PTPRG: variants seen among roughly 807,000 people sequenced by gnomAD.
The protein encoded by PTPRG is protein tyrosine phosphatase receptor type G.
A neutral mutation model predicts 165.3 loss-of-function variants in PTPRG; 102 were observed. The ratio of observed to expected loss-of-function variants is 0.62; its 90% CI spans 0.53 to 0.73. PTPRG has a LOEUF of 0.73. Among genes scored for constraint, PTPRG ranks in the 30% least tolerant of loss-of-function variants. The pLI is 0.00. For synonymous variants in PTPRG, 675 were observed against 669.5 expected, an observed-to-expected ratio of 1.01 and a Z score of -0.13; for missense variants, 1,866 against 1,861.4, an observed-to-expected ratio of 1.00 and a Z score of -0.05.
chr3:61,852,439 A>G (rs1324962114), intron 2 of PTPRG, among the ~76,000 whole-genome samples: 1 of 152,242 alleles, frequency 6.6e-6, no homozygotes, highest in Non-Finnish European at 1.5e-5. Flanking sequence ...ACAGTAAGAC[A>G]CAGATCTATG....
chr3:61,890,875 T>C (rs2038195057), intron 2 of PTPRG, among the ~76,000 whole-genome samples: 1 of 152,216 alleles, frequency 6.6e-6, no homozygotes, highest in African/African-American at 2.4e-5. Flanking sequence ...GTTTTGTTAC[T>C]TTACATCCAT....
intron 2 of PTPRG, among the ~76,000 whole-genome samples, chr3:61,895,632 T>A (rs1296511678): frequency 1.3e-5 from 2 of 152,190 alleles, no homozygotes; most frequent in Non-Finnish European, 2.9e-5. Context: ...TTTTTGAAAG[T>A]CAAGTTTTGT....
At chr3:62,093,983 T>C (rs1323013230) in intron 5 of PTPRG, among the ~76,000 whole-genome samples, 1 of 152,238 alleles carries the variant, frequency 6.6e-6, no homozygotes, top group Non-Finnish European at 1.5e-5. Flanking sequence ...CTGCTTCTCC[T>C]ATTACCAGTA....
chr3:61,790,786 A>G (rs956781827), intron 2 of PTPRG, among the ~76,000 whole-genome samples: 8 of 149,588 alleles, frequency 5.3e-5, no homozygotes, highest in African/African-American at 1.7e-4. Flanking sequence ...CCTGAAATTC[A>G]GTTATTCACT....
rs1559734737 is a variant in PTPRG, at chr3:62,269,017, AC to A, written c.2875-17del. ...GCATAGATTGCAGTTATACTTTACA[AC>A]TTTTTTCTTTCTGCAGCGAAAATGT... On this transcript the variant is annotated splice_polypyrimidine_tract_variant and intron_variant, in intron 19 of 29. Transcript: ENST00000474889. 2 of 1,538,038 alleles carry A rather than the reference AC, an allele frequency of 1.3e-6. No homozygotes were observed. Among genetic ancestry groups the A allele is most frequent in the African/African-American group, 1.4e-5 (1 of 73,058 alleles).
chr3:61,844,877 T>G (rs990084375), intron 2 of PTPRG, among the ~76,000 whole-genome samples: 4 of 152,138 alleles, frequency 2.6e-5, no homozygotes, highest in Non-Finnish European at 4.4e-5. Context: ...AAAGGGACAT[T>G]GAATGGTTAG....
intron 3 of PTPRG, among the ~76,000 whole-genome samples, chr3:62,001,856 G>A (rs1406733682): frequency 5.3e-5 from 8 of 152,138 alleles, no homozygotes; most frequent in African/African-American, 1.9e-4. Context: ...ATAAAGACAA[G>A]ATTGAGTAGT....
At chr3:62,010,687 G>A (rs2041400926) in intron 4 of PTPRG, among the ~76,000 whole-genome samples, 1 of 152,114 alleles carries the variant, frequency 6.6e-6, no homozygotes, top group African/African-American at 2.4e-5. Flanking sequence ...AAACTATAAA[G>A]ACATCTTGGC....
At chr3:61,938,812 G>GA (rs1299537310) in intron 2 of PTPRG, among the ~76,000 whole-genome samples, 1 of 152,104 alleles carries the variant, frequency 6.6e-6, no homozygotes, top group Non-Finnish European at 1.5e-5. Flanking sequence ...TCTGGAATGA[G>GA]AAAAAAGTAA....
At chr3:61,620,360 C>T (rs1701415631) in intron 1 of PTPRG, among the ~76,000 whole-genome samples, 4 of 152,074 alleles carry the variant, frequency 2.6e-5, no homozygotes, top group Admixed American at 2.6e-4. Flanking sequence ...CAGCAGTAGC[C>T]AGTGATATAT....
chr3:61,999,591 T>G (rs2041123224), intron 3 of PTPRG, among the ~76,000 whole-genome samples: 1 of 152,262 alleles, frequency 6.6e-6, no homozygotes, highest in South Asian at 2.1e-4. Context: ...GCTGTTGTTT[T>G]AATTTTTAGA....
chr3:62,057,940 G>A (rs1700685428), intron 4 of PTPRG, among the ~76,000 whole-genome samples: 1 of 152,220 alleles, frequency 6.6e-6, no homozygotes. Flanking sequence ...TTGCTAGCAT[G>A]TTAAAAATAC....
In PTPRG at chr3:62,013,420, C is replaced by T. The variant is rs73839632; in HGVS notation, c.519+9923C>T. 9.3e-3 allele frequency among the ~76,000 whole-genome samples: 1,414 copies of T among 152,120 alleles called. 19 individuals are homozygous for T. The highest frequency in any genetic ancestry group is 0.032 in the African/African-American group (1,332 of 41,518). On this transcript the variant is annotated intron_variant, in intron 4 of 29. Coordinates refer to ENST00000474889, the MANE Select transcript of PTPRG (RefSeq NM_002841.4). ...GTAATTTTGACTTCTTCTCTTCCAA[C>T]GGCGGCAACAAAAAAGGTGAAAGGA...
Position 61,562,200 on chromosome 3 carries a change from C to A in PTPRG, c.-88C>A. 7.8e-7 allele frequency: 1 copy of A among 1,288,352 alleles called. No individual in the cohort carries two copies. The highest frequency in any genetic ancestry group is 1.1e-6 in the Non-Finnish European group (1 of 891,672). The allele number at this position is 1,288,352 out of a possible 1,614,324, so 79.8% of individuals were successfully genotyped here. A position where few individuals can be genotyped will look rare whatever the true frequency, so the allele number is the denominator to read the frequency against. ...GGAGCGGGCGAGCCGGGGAAGCGCC[C>A]CGGCTTAGCGGAGGCTCGCACGGAG... On this transcript the variant is annotated 5_prime_UTR_variant, in exon 1 of 30. Transcript: ENST00000474889.
chr3:61,566,695 C>T (rs1055573651), intron 1 of PTPRG, among the ~76,000 whole-genome samples: 4 of 152,146 alleles, frequency 2.6e-5, no homozygotes, highest in African/African-American at 4.8e-5. Flanking sequence ...TTTGTGGAGA[C>T]GGAGTGCCGC....
At chr3:61,829,153 A>T (rs1050631086) in intron 2 of PTPRG, among the ~76,000 whole-genome samples, 1 of 151,960 alleles carries the variant, frequency 6.6e-6, no homozygotes, top group Admixed American at 6.6e-5. Context: ...ATTTGTTCCG[A>T]CTCATGCATC....
chr3:61,891,190 C>T (rs1261265448), intron 2 of PTPRG, among the ~76,000 whole-genome samples: 2 of 151,382 alleles, frequency 1.3e-5, no homozygotes, highest in African/African-American at 4.9e-5. Context: ...TTGTGGCATG[C>T]GCCTGTAATC....
rs774262138 is a variant in PTPRG at position 62,080,061 on chromosome 3, C to CTTTTTTTTTTTTTTTTTTTTTTTTTT, written c.615+1803_615+1804insTTTTTTTTTTTTTTTTTTTTTTTTTT. On this transcript the variant is annotated intron_variant, in intron 5 of 29. Coordinates refer to ENST00000474889, the MANE Select transcript of PTPRG (RefSeq NM_002841.4). ...GAGTTCTGTCTGGACCCCTTCGGTT[C>CTTTTTTTTTTTTTTTTTTTTTTTTTT]ATTTTTTTTTTTTTTTTTTTTGAGA... Among the ~76,000 whole-genome samples the CTTTTTTTTTTTTTTTTTTTTTTTTTT allele has an allele frequency of 4.5e-5, 5 of 111,568 alleles. 2 individuals carry two copies. The highest frequency in any genetic ancestry group is 1.9e-4 in the Admixed American group (2 of 10,570). The allele number at this position is 111,568 out of a possible 152,430, so 73.2% of individuals were successfully genotyped here.
intron 4 of PTPRG, among the ~76,000 whole-genome samples, chr3:62,033,838 GC>G (rs903442393): frequency 6.6e-6 from 1 of 152,190 alleles, no homozygotes; most frequent in African/African-American, 2.4e-5. Context: ...TGTGACCTCA[GC>G]TCACTGCAAC....
Sources: gnomAD v4.1 joint callset for allele counts (sites outside exome capture counted in the v4.1 genomes callset) on GRCh38, gnomAD v4.1.1 for gene constraint, MANE v1.5 for transcripts, NCBI Gene and HGNC (gene_info 2026-07-23, HGNC 2026-07-21) for gene names.